The following DAB1 variants were observed in gnomAD, a reference collection of about 807,000 sequenced individuals.
The protein encoded by DAB1 is disabled homolog 1.
Under a neutral mutation model 64.6 loss-of-function variants are expected in DAB1, and 15 were observed. The ratio of observed to expected loss-of-function variants is 0.23; its 90% CI spans 0.16 to 0.36. The LOEUF is 0.36. DAB1 is among the 10% of genes least tolerant of loss of function. The pLI is 1.00. For missense variants in DAB1, 596 were observed against 706.7 expected (o/e 0.84, Z 1.78); for synonymous variants, 235 against 251.9 (o/e 0.93, Z 0.64).
intron 9 of DAB1, among the ~76,000 whole-genome samples, chr1:57,059,001 G>T (rs1048839300): frequency 1.3e-5 from 2 of 152,202 alleles, no homozygotes; most frequent in Non-Finnish European, 2.9e-5. Flanking sequence ...AGGTAGCCCA[G>T]AGAGACTGAG....
chr1:57,998,775 G>A (rs1212035834), intron 5 of DAB1, among the ~76,000 whole-genome samples: 1 of 152,186 alleles, frequency 6.6e-6, no homozygotes, highest in Non-Finnish European at 1.5e-5. Context: ...AAAATGCAAA[G>A]TCCTTTCAGC....
chr1:57,323,674 T>C (rs569775692), intron 1 of DAB1, among the ~76,000 whole-genome samples: 1 of 152,292 alleles, frequency 6.6e-6, no homozygotes, highest in Non-Finnish European at 1.5e-5. Flanking sequence ...TCCAGCCTAC[T>C]GCAGATAGTG....
chr1:58,307,470 T>G (rs1662333426), intron 4 of DAB1, among the ~76,000 whole-genome samples: 1 of 152,144 alleles, frequency 6.6e-6, no homozygotes, highest in Non-Finnish European at 1.5e-5. Context: ...AGGACTGATA[T>G]CTAACTCAGG....
At chr1:58,015,778 G>C (rs977181801) in intron 5 of DAB1, among the ~76,000 whole-genome samples, 1 of 152,138 alleles carries the variant, frequency 6.6e-6, no homozygotes, top group Non-Finnish European at 1.5e-5. Flanking sequence ...TCGGGATTGA[G>C]AATCACAGGT....
At chr1:58,207,856 T>G (rs939975699) in intron 4 of DAB1, among the ~76,000 whole-genome samples, 1 of 152,184 alleles carries the variant, frequency 6.6e-6, no homozygotes, top group African/African-American at 2.4e-5. Context: ...AGTAGTTGTA[T>G]TAGTTTGTTC....
chr1:57,322,147 T>A (rs1675776413), intron 1 of DAB1, among the ~76,000 whole-genome samples: 1 of 152,144 alleles, frequency 6.6e-6, no homozygotes, highest in Non-Finnish European at 1.5e-5. Flanking sequence ...ACTTGCCACA[T>A]CCTCTTTTCT....
intron 5 of DAB1, among the ~76,000 whole-genome samples, chr1:58,053,269 A>T (rs77996609): frequency 0.056 from 8,513 of 152,252 alleles, 302 homozygotes; most frequent in Middle Eastern, 0.12. Flanking sequence ...GATAATTTGT[A>T]AAGAGAAAAG....
intron 6 of DAB1, among the ~76,000 whole-genome samples, chr1:57,805,326 T>G (rs781294387): frequency 3.9e-5 from 6 of 152,246 alleles, no homozygotes; most frequent in African/African-American, 1.4e-4. Context: ...GGGGCAGAAA[T>G]TCATAGGATA....
chr1:57,945,402 G>A (rs888510679), intron 5 of DAB1, among the ~76,000 whole-genome samples: 1 of 151,106 alleles, frequency 6.6e-6, no homozygotes, highest in African/African-American at 2.4e-5. Context: ...TGAGACTACA[G>A]GCATATACCA....
chr1:58,320,332 T>C (rs1337131450), intron 4 of DAB1, among the ~76,000 whole-genome samples: 1 of 152,224 alleles, frequency 6.6e-6, no homozygotes, highest in South Asian at 2.1e-4. Context: ...CTACAGATAA[T>C]AATCTTACAA....
chr1:57,391,384 T>C (rs1318782249), intron 1 of DAB1, among the ~76,000 whole-genome samples: 2 of 152,180 alleles, frequency 1.3e-5, no homozygotes, highest in African/African-American at 2.4e-5. Context: ...AGTTCCTTAT[T>C]ATAGAATCCA....
intron 1 of DAB1, among the ~76,000 whole-genome samples, chr1:57,835,884 C>T (rs1397924970): frequency 2.0e-5 from 3 of 152,148 alleles, no homozygotes; most frequent in Admixed American, 6.6e-5. Flanking sequence ...GTCACCAATG[C>T]CCCATGACGT....
At chr1:58,314,127 C>T (rs1662496475) in intron 4 of DAB1, among the ~76,000 whole-genome samples, 1 of 152,102 alleles carries the variant, frequency 6.6e-6, no homozygotes, top group African/African-American at 2.4e-5. Context: ...ATGGACCTGA[C>T]TGAAGATTGG....
At chr1:57,417,989 C>A (rs1331879895) in intron 1 of DAB1, among the ~76,000 whole-genome samples, 1 of 152,140 alleles carries the variant, frequency 6.6e-6, no homozygotes, top group Non-Finnish European at 1.5e-5. Context: ...GAGTAAATTA[C>A]CACCTCCAGA....
chr1:58,221,741 A>C (rs1292033842), intron 4 of DAB1, among the ~76,000 whole-genome samples: 2 of 152,218 alleles, frequency 1.3e-5, no homozygotes, highest in African/African-American at 4.8e-5. Context: ...GGAGCTATGC[A>C]AATGCAACAT....
At chr1:57,506,029 A>G (rs1390564614) in intron 7 of DAB1, among the ~76,000 whole-genome samples, 1 of 152,150 alleles carries the variant, frequency 6.6e-6, no homozygotes, top group Non-Finnish European at 1.5e-5. Flanking sequence ...TTTTAGAACA[A>G]TATTTCATTT....
intron 5 of DAB1, among the ~76,000 whole-genome samples, chr1:57,908,333 T>C (rs531286189): frequency 5.9e-5 from 9 of 152,018 alleles, no homozygotes; most frequent in African/African-American, 2.2e-4. Flanking sequence ...CTAAACCCAT[T>C]AACCTGACAG....
chr1:57,084,534 C>T (rs1652864085), intron 4 of DAB1, among the ~76,000 whole-genome samples: 1 of 152,134 alleles, frequency 6.6e-6, no homozygotes, highest in Admixed American at 6.5e-5. Context: ...TCTTCAGGTC[C>T]TTTTGTTTAA....
At chr1:57,060,159 T>TATTTTATTTG in intron 9 of DAB1, among the ~76,000 whole-genome samples, 1 of 150,566 alleles carries the variant, frequency 6.6e-6, no homozygotes, top group South Asian at 2.1e-4. Context: ...TATTTTATTT[T>TATTTTATTTG]ATTTTATTTG....
Sources: gnomAD v4.1 joint callset for allele counts (sites outside exome capture counted in the v4.1 genomes callset) on GRCh38, gnomAD v4.1.1 for gene constraint, MANE v1.5 for transcripts, NCBI Gene and HGNC (gene_info 2026-07-23, HGNC 2026-07-21) for gene names.